The following POU6F2 variants were observed in gnomAD, a reference collection of about 807,000 sequenced individuals.
POU6F2 encodes POU domain, class 6, transcription factor 2.
In POU6F2, 31 loss-of-function variants were observed where a neutral mutation model predicts 71.3. The ratio of observed to expected loss-of-function variants is 0.43; its 90% CI spans 0.33 to 0.59. The LOEUF (loss-of-function observed/expected upper bound fraction) is 0.59. Ranked by LOEUF, POU6F2 falls within the 20% of genes least tolerant of loss-of-function variation. The pLI, the probability that POU6F2 is intolerant of heterozygous loss-of-function variation, is 0.04. For missense variants in POU6F2, 783 were observed against 856.8 expected (o/e 0.91, Z 1.07); for synonymous variants, 347 against 355.7 (o/e 0.98, Z 0.27).
At chr7:38,981,420 C>T (rs1788312699) in intron 1 of POU6F2, among the ~76,000 whole-genome samples, 1 of 152,276 alleles carries the variant, frequency 6.6e-6, no homozygotes, top group Admixed American at 6.5e-5. Context: ...ACTTAGGCAG[C>T]CCACCATCCT....
intron 5 of POU6F2, among the ~76,000 whole-genome samples, chr7:39,371,908 G>T (rs1786618702): frequency 6.6e-6 from 1 of 151,980 alleles, no homozygotes; most frequent in Non-Finnish European, 1.5e-5. Flanking sequence ...TTTGTTTTTT[G>T]TGTGTGTTTT....
At chr7:39,190,732 G>A (rs947729617) in intron 2 of POU6F2, among the ~76,000 whole-genome samples, 2 of 148,614 alleles carry the variant, frequency 1.3e-5, no homozygotes, top group South Asian at 2.1e-4. Flanking sequence ...CCAACTCCTA[G>A]GTTTAAGTGA....
intron 4 of POU6F2, among the ~76,000 whole-genome samples, chr7:39,334,749 CT>C (rs1785730619): frequency 1.3e-5 from 2 of 152,194 alleles, no homozygotes; most frequent in Non-Finnish European, 2.9e-5. Flanking sequence ...GTTCCATTTA[CT>C]AATTCAGATT....
intron 1 of POU6F2, among the ~76,000 whole-genome samples, chr7:39,045,196 C>A (rs1329574058): frequency 6.6e-6 from 1 of 151,966 alleles, no homozygotes; most frequent in East Asian, 1.9e-4. Flanking sequence ...ATCGCGAATT[C>A]GCATCCCGTA....
chr7:39,186,800 T>C (rs1281335134), intron 2 of POU6F2, among the ~76,000 whole-genome samples: 1 of 152,128 alleles, frequency 6.6e-6, no homozygotes, highest in African/African-American at 2.4e-5. Context: ...GTCTGCTCCT[T>C]CCCCAGCTCT....
intron 4 of POU6F2, among the ~76,000 whole-genome samples, chr7:39,244,693 G>T (rs2128751831): frequency 6.6e-6 from 1 of 152,128 alleles, no homozygotes; most frequent in African/African-American, 2.4e-5. Context: ...CATAGCCTGT[G>T]GTCATCTATC....
At chr7:39,187,439 T>C (rs1793563887) in intron 2 of POU6F2, among the ~76,000 whole-genome samples, 1 of 152,218 alleles carries the variant, frequency 6.6e-6, no homozygotes. Flanking sequence ...TAGGCTTCAC[T>C]CCGTGGTGGC....
intron 4 of POU6F2, among the ~76,000 whole-genome samples, chr7:39,338,776 C>T (rs544051240): frequency 6.6e-6 from 1 of 152,354 alleles, no homozygotes; most frequent in South Asian, 2.1e-4. Context: ...CAGCTTCCTT[C>T]TGCAGAAATT....
At chr7:39,267,060 A>T (rs189904535) in intron 4 of POU6F2, among the ~76,000 whole-genome samples, 97 of 152,346 alleles carry the variant, frequency 6.4e-4, no homozygotes, top group Non-Finnish European at 1.5e-5. Flanking sequence ...TATCACTAAC[A>T]TGACCAAGAA....
At chr7:39,266,803 T>A (rs1018229993) in intron 4 of POU6F2, among the ~76,000 whole-genome samples, 1 of 146,486 alleles carries the variant, frequency 6.8e-6, no homozygotes, top group Non-Finnish European at 1.5e-5. Flanking sequence ...ATCAGGGTAG[T>A]TAGCGTACTC....
At chr7:39,132,477 C>T (rs1383157407) in intron 2 of POU6F2, 4 of 152,176 alleles carry the variant, frequency 2.6e-5, no homozygotes, top group Admixed American at 2.6e-4. Flanking sequence ...GGCATGTGAG[C>T]GAGTGTTCCT....
chr7:39,192,877 AAG>A (rs1793697787), intron 2 of POU6F2, among the ~76,000 whole-genome samples: 3 of 152,160 alleles, frequency 2.0e-5, no homozygotes, highest in Admixed American at 2.0e-4. Flanking sequence ...AGGAATGAAA[AAG>A]AGAGAAAGGA....
intron 7 of POU6F2, among the ~76,000 whole-genome samples, chr7:39,447,591 T>C (rs1438134155): frequency 1.3e-5 from 2 of 152,190 alleles, no homozygotes; most frequent in African/African-American, 4.8e-5. Flanking sequence ...TTAAATAATA[T>C]ACACAAAAAC....
chr7:39,262,091 T>C (rs1784148297), intron 4 of POU6F2, among the ~76,000 whole-genome samples: 1 of 152,142 alleles, frequency 6.6e-6, no homozygotes, highest in African/African-American at 2.4e-5. Context: ...TTTGGGGAGA[T>C]CTGTAAAGGT....
chr7:39,039,617 AT>A (rs1202327174), intron 1 of POU6F2, among the ~76,000 whole-genome samples: 1 of 151,962 alleles, frequency 6.6e-6, no homozygotes, highest in Non-Finnish European at 1.5e-5. Flanking sequence ...AATTACTTAA[AT>A]AACTTAGGAA....
intron 4 of POU6F2, among the ~76,000 whole-genome samples, chr7:39,232,063 C>A (rs933374292): frequency 1.3e-5 from 2 of 152,098 alleles, no homozygotes; most frequent in African/African-American, 2.4e-5. Flanking sequence ...CCCTGCATTT[C>A]TTCTAGATAG....
chr7:39,144,109 A>G (rs1792564722), intron 2 of POU6F2, among the ~76,000 whole-genome samples: 1 of 152,152 alleles, frequency 6.6e-6, no homozygotes, highest in Non-Finnish European at 1.5e-5. Flanking sequence ...GGTGTCAGGC[A>G]CTGAGAATAC....
intron 8 of POU6F2, 73 bp downstream of exon 8, chr7:39,451,774 GTCTC>G: frequency 6.9e-7 from 1 of 1,456,656 alleles, no homozygotes; most frequent in Non-Finnish European, 9.4e-7. Flanking sequence ...CTTCCTTCTT[GTCTC>G]TCTCTCACTC....
At chr7:38,995,318 G>C (rs1279601015) in intron 1 of POU6F2, among the ~76,000 whole-genome samples, 1 of 152,134 alleles carries the variant, frequency 6.6e-6, no homozygotes, top group African/African-American at 2.4e-5. Context: ...TCTGAAACTT[G>C]TCCTTCTCAC....
Sources: gnomAD v4.1 joint callset for allele counts (sites outside exome capture counted in the v4.1 genomes callset) on GRCh38, gnomAD v4.1.1 for gene constraint, MANE v1.5 for transcripts, NCBI Gene and HGNC (gene_info 2026-07-23, HGNC 2026-07-21) for gene names.